LINGO2: variants seen among roughly 807,000 people sequenced by gnomAD.
LINGO2 encodes the protein leucine-rich repeat and immunoglobulin-like domain-containing nogo receptor-interacting protein 2.
A neutral mutation model predicts 30.6 loss-of-function variants in LINGO2; 14 were observed. The ratio of observed to expected loss-of-function variants is 0.46; its 90% CI spans 0.30 to 0.72. The LOEUF (loss-of-function observed/expected upper bound fraction) is 0.72. Among genes scored for constraint, LINGO2 ranks in the 30% least tolerant of loss-of-function variants. LINGO2 has a pLI of 0.07. For synonymous variants in LINGO2, 317 were observed against 288.5 expected, an observed-to-expected ratio of 1.10 and a Z score of -1.00; for missense variants, 729 against 751.7, an observed-to-expected ratio of 0.97 and a Z score of 0.35.
intron 1 of LINGO2, among the ~76,000 whole-genome samples, chr9:28,623,372 GGA>G (rs1826502029): frequency 6.6e-6 from 1 of 152,038 alleles, no homozygotes; most frequent in Admixed American, 6.6e-5. Context: ...TTTTGTATAT[GGA>G]GAGAGATAAG....
chr9:28,576,309 A>G (rs1823985867), intron 1 of LINGO2, among the ~76,000 whole-genome samples: 2 of 152,216 alleles, frequency 1.3e-5, no homozygotes, highest in South Asian at 4.1e-4. Context: ...TCAAAATTCA[A>G]AAATTTGAAG....
chr9:28,538,781 G>A (rs1454076530), intron 1 of LINGO2, among the ~76,000 whole-genome samples: 1 of 151,980 alleles, frequency 6.6e-6, no homozygotes, highest in Non-Finnish European at 1.5e-5. Context: ...CCTCATGACC[G>A]AAACACCTCC....
chr9:28,065,596 G>C (rs754822700), intron 4 of LINGO2, among the ~76,000 whole-genome samples: 1 of 152,088 alleles, frequency 6.6e-6, no homozygotes, highest in East Asian at 1.9e-4. Flanking sequence ...TCTTCTAAAA[G>C]TGTAAGATAG....
At chr9:28,019,208 C>T (rs767910520) in intron 4 of LINGO2, among the ~76,000 whole-genome samples, 4 of 151,962 alleles carry the variant, frequency 2.6e-5, no homozygotes, top group Non-Finnish European at 5.9e-5. Context: ...AAACTGCTCT[C>T]CAAACCCGTG....
At chr9:28,284,667 C>T (rs778577232) in intron 4 of LINGO2, among the ~76,000 whole-genome samples, 14 of 152,124 alleles carry the variant, frequency 9.2e-5, no homozygotes, top group Admixed American at 5.9e-4. Flanking sequence ...TATGAGTGTA[C>T]TTCAAGGTAG....
intron 1 of LINGO2, among the ~76,000 whole-genome samples, chr9:28,644,553 G>T (rs1827746155): frequency 6.6e-6 from 1 of 151,122 alleles, no homozygotes; most frequent in South Asian, 2.1e-4. Context: ...AGGGTAGTGA[G>T]GAGGTGGGAA....
the LINGO2 span, among the ~76,000 whole-genome samples, chr9:29,158,270 T>C: frequency 2.0e-5 from 3 of 151,664 alleles, no homozygotes; most frequent in Admixed American, 1.3e-4. Flanking sequence ...ATGAGAGGAC[T>C]GCATGAGCCC....
the LINGO2 span, among the ~76,000 whole-genome samples, chr9:29,004,291 C>A: frequency 1.3e-5 from 2 of 151,856 alleles, no homozygotes; most frequent in African/African-American, 4.8e-5. Flanking sequence ...AAAAAATAAT[C>A]TCATAACATT....
At chr9:28,254,505 T>C (rs886801047) in intron 4 of LINGO2, among the ~76,000 whole-genome samples, 1 of 152,138 alleles carries the variant, frequency 6.6e-6, no homozygotes, top group Non-Finnish European at 1.5e-5. Context: ...ATTTCATATC[T>C]GGTGCAAAGA....
chr9:29,018,966 C>A, the LINGO2 span, among the ~76,000 whole-genome samples: 2 of 152,120 alleles, frequency 1.3e-5, no homozygotes, highest in African/African-American at 4.8e-5. Flanking sequence ...GAAATATGAT[C>A]TTCACTGGTA....
chr9:28,166,033 C>A (rs1828418002), intron 4 of LINGO2, among the ~76,000 whole-genome samples: 1 of 152,136 alleles, frequency 6.6e-6, no homozygotes, highest in Non-Finnish European at 1.5e-5. Context: ...CTGGGTATGA[C>A]TCATAACAGA....
intron 4 of LINGO2, among the ~76,000 whole-genome samples, chr9:28,072,136 TCC>T (rs1825497001): frequency 6.7e-6 from 1 of 149,564 alleles, no homozygotes; most frequent in Non-Finnish European, 1.5e-5. Flanking sequence ...GAATACTGAC[TCC>T]TATTTTCCTT....
chr9:29,075,645 C>T, the LINGO2 span, among the ~76,000 whole-genome samples: 1 of 151,868 alleles, frequency 6.6e-6, no homozygotes, highest in Non-Finnish European at 1.5e-5. Context: ...GAGAAGAATT[C>T]GCATAAGGGT....
intron 1 of LINGO2, among the ~76,000 whole-genome samples, chr9:28,575,829 C>T (rs1378812001): frequency 6.6e-6 from 1 of 152,024 alleles, no homozygotes; most frequent in Non-Finnish European, 1.5e-5. Context: ...TCTCCTAACA[C>T]ACATTAATTT....
chr9:28,928,541 C>T, the LINGO2 span, among the ~76,000 whole-genome samples: 12 of 152,182 alleles, frequency 7.9e-5, no homozygotes, highest in Admixed American at 2.6e-4. Context: ...GAGGTTCCCA[C>T]ACAGGCACTG....
the LINGO2 span, among the ~76,000 whole-genome samples, chr9:29,009,669 G>C: frequency 6.6e-6 from 1 of 151,954 alleles, no homozygotes; most frequent in Non-Finnish European, 1.5e-5. Context: ...TCACAGAATT[G>C]GAAAAAACAA....
intron 2 of LINGO2, among the ~76,000 whole-genome samples, chr9:28,392,140 T>G (rs1821865432): frequency 6.6e-6 from 1 of 152,174 alleles, no homozygotes; most frequent in Non-Finnish European, 1.5e-5. Context: ...GAGGTAGAGC[T>G]TGCAGTGAGC....
At chr9:28,083,243 C>T (rs1825822010) in intron 4 of LINGO2, among the ~76,000 whole-genome samples, 1 of 152,168 alleles carries the variant, frequency 6.6e-6, no homozygotes, top group South Asian at 2.1e-4. Flanking sequence ...TGGGAAAGCC[C>T]TGTAGGGCTC....
chr9:28,885,460 C>CAT, the LINGO2 span, among the ~76,000 whole-genome samples: 23 of 78,948 alleles, frequency 2.9e-4, no homozygotes, highest in Admixed American at 4.5e-4. Context: ...TATATACATA[C>CAT]ATATATATAT....
Sources: gnomAD v4.1 joint callset for allele counts (sites outside exome capture counted in the v4.1 genomes callset) on GRCh38, gnomAD v4.1.1 for gene constraint, MANE v1.5 for transcripts, NCBI Gene and HGNC (gene_info 2026-07-23, HGNC 2026-07-21) for gene names.